The following MAGI3 variants were observed in gnomAD, a reference collection of about 807,000 sequenced individuals.
MAGI3 encodes membrane associated guanylate kinase, WW and PDZ domain containing 3.
A neutral mutation model predicts 121.8 loss-of-function variants in MAGI3; 43 were observed. That is an observed-to-expected ratio of 0.35 (90% CI 0.28 to 0.46). The LOEUF (loss-of-function observed/expected upper bound fraction) is 0.46. Among genes scored for constraint, MAGI3 ranks in the 20% least tolerant of loss-of-function variants. The pLI, the probability that MAGI3 is intolerant of heterozygous loss-of-function variation, is 1.00. For missense variants in MAGI3, 1,547 were observed against 1,797.3 expected (o/e 0.86, Z 2.52); for synonymous variants, 553 against 639.3 (o/e 0.86, Z 2.04).
At chr1:113,629,174 A>C (rs2798138) in intron 9 of MAGI3, among the ~76,000 whole-genome samples, 114,035 of 151,756 alleles carry the variant, frequency 0.75, 43,558 homozygotes, top group African/African-American at 0.85. Flanking sequence ...CTCACTAATT[A>C]TTTCTTCTAC....
Position 113,683,984 on chromosome 1 carries a change from C to T in MAGI3, c.4416C>T (p.Gly1472=), listed in dbSNP as rs777025503. The T allele has an allele frequency of 1.9e-6, 3 of 1,592,154 alleles. No individual in the cohort carries two copies. The highest frequency in any genetic ancestry group is 2.6e-6 in the Non-Finnish European group (3 of 1,172,164). The change falls in exon 21 of 21, where the codon GGC becomes GGT. Residue 1472 remains glycine (G), a synonymous_variant. Coordinates refer to ENST00000307546, the MANE Select transcript of MAGI3 (RefSeq NM_001142782.2). ...TTCCAAGTGGAAATAAAGTCACAGG[C>T]ACTATTGGTATGGCTGAGAAACGGC... is the stretch of plus-strand genomic sequence containing the variant. ...WKVPSGNKVT[G]TIGMAEKRQ is the part of the protein sequence containing the mutation.
chr1:113,394,286 T>C (rs1006871456), intron 1 of MAGI3, among the ~76,000 whole-genome samples: 2 of 152,222 alleles, frequency 1.3e-5, no homozygotes, highest in Non-Finnish European at 2.9e-5. Flanking sequence ...GGTAGTTTCT[T>C]ATTGTTTTAG....
At position 113,658,525 on chromosome 1, in the gene MAGI3, A is replaced by G. The variant is rs566330170; in HGVS notation, c.2630-555A>G. Among the ~76,000 whole-genome samples the G allele has an allele frequency of 1.3e-5, 2 of 152,348 alleles. No individual in the cohort carries two copies. Among genetic ancestry groups the G allele is most frequent in the African/African-American group, 2.4e-5 (1 of 41,590 alleles). ...AATTAATTTACATGTGGAATTAAGT[A>G]TGATTCATTTTAATTGTCAGTCATT... On this transcript the variant is annotated intron_variant, in intron 15 of 20. Coordinates refer to ENST00000307546, the MANE Select transcript of MAGI3 (RefSeq NM_001142782.2). This position sits in a 1 kb window ranked among gnomAD's most constrained non-coding sequence, Gnocchi z 4.0.
intron 1 of MAGI3, among the ~76,000 whole-genome samples, chr1:113,479,017 G>A (rs1460192480): frequency 6.6e-6 from 1 of 152,226 alleles, no homozygotes; most frequent in East Asian, 1.9e-4. Context: ...TGCTGTGCTA[G>A]CAGTGAGCAA....
intron 1 of MAGI3, among the ~76,000 whole-genome samples, chr1:113,510,355 CTTTT>C (rs34379798): frequency 7.5e-6 from 1 of 133,402 alleles, no homozygotes. Context: ...TAGGCCTTGA[CTTTT>C]TTTTTTTTTT....
intron 3 of MAGI3, among the ~76,000 whole-genome samples, chr1:113,582,200 A>G (rs1217193588): frequency 2.0e-5 from 3 of 152,150 alleles, no homozygotes; most frequent in Non-Finnish European, 4.4e-5. Context: ...ATAAAATGGT[A>G]TAATCCTTCT....
chr1:113,390,766 CT>C lies in MAGI3; in HGVS notation c.-264del. 1 of 196,660 alleles carries C rather than the reference CT, an allele frequency of 5.1e-6. No individual in the cohort carries two copies. The highest frequency in any genetic ancestry group is 1.0e-5 in the Non-Finnish European group (1 of 96,590). The allele number at this position is 196,660 out of a possible 1,614,324, so 12.2% of individuals were successfully genotyped here. A position where few individuals can be genotyped will look rare whatever the true frequency, so the allele number is the denominator to read the frequency against. ...TCTGGAACCTCCTGGGGACAATTCC[CT>C]TTTCCTTTCTTCAGCCTAACCCGCG... On this transcript the variant is annotated 5_prime_UTR_variant, in exon 1 of 21. Coordinates refer to ENST00000307546, the MANE Select transcript of MAGI3 (RefSeq NM_001142782.2).
intron 6 of MAGI3, among the ~76,000 whole-genome samples, chr1:113,595,701 AC>A (rs1013657949): frequency 8.5e-5 from 13 of 152,212 alleles, no homozygotes; most frequent in African/African-American, 2.9e-4. Flanking sequence ...CAAGTTCTCA[AC>A]ACTAAAAACT....
intron 9 of MAGI3, among the ~76,000 whole-genome samples, chr1:113,641,107 TA>T (rs1398709569): frequency 1.3e-4 from 6 of 44,530 alleles, no homozygotes; most frequent in East Asian, 3.5e-4. Flanking sequence ...ATATGATATA[TA>T]AATATATATG....
intron 1 of MAGI3, among the ~76,000 whole-genome samples, chr1:113,394,238 A>G (rs573902324): frequency 2.6e-5 from 4 of 152,172 alleles, no homozygotes; most frequent in Non-Finnish European, 5.9e-5. Context: ...ACTCTTTAAA[A>G]TATGGTTTCT....
chr1:113,403,865 C>G lies in MAGI3; in HGVS notation c.316+12516C>G, dbSNP rs967791466. ...TTTTAGTTTTCCAACTTCTGCGTTT[C>G]AGGAAGGCATACTACAAGGAGGAAG... On this transcript the variant is annotated intron_variant, in intron 1 of 20. Coordinates refer to ENST00000307546, the MANE Select transcript of MAGI3 (RefSeq NM_001142782.2). The G allele has an allele frequency of 2.6e-5, 4 of 152,280 alleles. No homozygotes were observed. In the East Asian group the frequency reaches 7.7e-4, roughly 29 times the overall value. 9.4% of individuals were successfully genotyped at this position (152,280 alleles called of 1,614,324 possible). A position where few individuals can be genotyped will look rare whatever the true frequency, so the allele number is the denominator to read the frequency against.
intron 2 of MAGI3, among the ~76,000 whole-genome samples, chr1:113,555,117 GAA>G (rs1000359426): frequency 7.3e-6 from 1 of 136,232 alleles, no homozygotes. Context: ...ATGCTGCAAG[GAA>G]AAAAAAAAAC....
chr1:113,666,290 C>T (rs182914495), intron 16 of MAGI3, among the ~76,000 whole-genome samples: 23 of 152,318 alleles, frequency 1.5e-4, no homozygotes, highest in African/African-American at 5.3e-4. Flanking sequence ...GCATTTTACC[C>T]ACAGTAAAAC....
intron 16 of MAGI3, among the ~76,000 whole-genome samples, chr1:113,659,585 C>T (rs936078519): frequency 2.6e-5 from 4 of 152,140 alleles, no homozygotes; most frequent in African/African-American, 9.7e-5. Flanking sequence ...CTTAAGTCTT[C>T]GCTTAAGTGA....
At chr1:113,457,240 A>C (rs1654804651) in intron 1 of MAGI3, among the ~76,000 whole-genome samples, 1 of 152,186 alleles carries the variant, frequency 6.6e-6, no homozygotes, top group African/African-American at 2.4e-5. Context: ...ATGATTGTTG[A>C]AAGAGATCAA....
chr1:113,541,451 A>G (rs1659284660), intron 1 of MAGI3, among the ~76,000 whole-genome samples: 1 of 152,220 alleles, frequency 6.6e-6, no homozygotes, highest in Admixed American at 6.5e-5. Flanking sequence ...ACTAGTTTTA[A>G]AAATGGAAAT....
chr1:113,608,522 T>G (rs1649928777), intron 6 of MAGI3, among the ~76,000 whole-genome samples: 1 of 152,150 alleles, frequency 6.6e-6, no homozygotes, highest in Non-Finnish European at 1.5e-5. Flanking sequence ...GAGTACTTAG[T>G]CTTTGGCCTC....
intron 5 of MAGI3, among the ~76,000 whole-genome samples, chr1:113,593,925 G>A (rs931675567): frequency 2.0e-5 from 3 of 152,054 alleles, no homozygotes; most frequent in Non-Finnish European, 4.4e-5. Flanking sequence ...ACTTGCATGT[G>A]GCAGAAACAG....
chr1:113,619,030 A>G (rs937891999), intron 7 of MAGI3, among the ~76,000 whole-genome samples: 3 of 152,202 alleles, frequency 2.0e-5, no homozygotes, highest in African/African-American at 7.2e-5. Flanking sequence ...CGTGTTGAAT[A>G]GTTTGGCTAA....
Sources: gnomAD v4.1 joint callset for allele counts (sites outside exome capture counted in the v4.1 genomes callset) on GRCh38, gnomAD v4.1.1 for gene constraint, Gnocchi (gnomAD v3.1) non-coding constraint, MANE v1.5 for transcripts, NCBI Gene and HGNC (gene_info 2026-07-23, HGNC 2026-07-21) for gene names.